RBFOX1: variants seen among roughly 807,000 people sequenced by gnomAD.
RBFOX1 encodes the protein RNA binding fox-1 homolog 1, also known as RNA binding protein fox-1 homolog 1.
In RBFOX1, 8 loss-of-function variants were observed where a neutral mutation model predicts 57.7. The observed-to-expected ratio is 0.14, with a 90% CI of 0.08 to 0.25. The LOEUF is 0.25. Ranked by LOEUF, RBFOX1 falls within the 10% of genes least tolerant of loss-of-function variation. The probability of loss-of-function intolerance (pLI) is 1.00; values close to 1 mark genes in which losing one functional copy is unlikely to be tolerated. For missense variants in RBFOX1, 611 were observed against 548.5 expected, an observed-to-expected ratio of 1.11 and a Z score of -1.14; for synonymous variants, 326 against 222.4, an observed-to-expected ratio of 1.47 and a Z score of -4.15.
intron 3 of RBFOX1, among the ~76,000 whole-genome samples, chr16:6,901,738 T>C (rs1408074953): frequency 6.6e-6 from 1 of 152,218 alleles, no homozygotes; most frequent in East Asian, 1.9e-4. Flanking sequence ...TTGAAGTAAA[T>C]ACTGCTTCAG....
chr16:7,417,950 T>G (rs143802787), intron 4 of RBFOX1, among the ~76,000 whole-genome samples: 3 of 152,242 alleles, frequency 2.0e-5, no homozygotes, highest in East Asian at 1.9e-4. Context: ...GGCCCTAGTA[T>G]GCAGCCTATC....
rs559944492 is a variant in RBFOX1 at position 7,131,208 on chromosome 16, T to C, written c.27+79110T>C. ...AAAAATACAAAAAGTTAGCCAGGTG[T>C]GGTATCGCACACCTGTAGTCTCAGC... On this transcript the variant is annotated intron_variant, in intron 4 of 15. Transcript: ENST00000550418. 1.2e-4 allele frequency among the ~76,000 whole-genome samples: 18 copies of C among 151,902 alleles called. No homozygotes were observed. In the South Asian group the frequency reaches 3.8e-3, roughly 32 times the overall value.
At chr16:6,566,190 C>T (rs929832058) in intron 2 of RBFOX1, among the ~76,000 whole-genome samples, 9 of 152,130 alleles carry the variant, frequency 5.9e-5, no homozygotes, top group Admixed American at 5.9e-4. Flanking sequence ...CAATCACCTC[C>T]GTTGTTTTGA....
intron 4 of RBFOX1, among the ~76,000 whole-genome samples, chr16:7,481,453 T>C (rs1368214541): frequency 6.6e-6 from 1 of 152,202 alleles, no homozygotes; most frequent in African/African-American, 2.4e-5. Context: ...AATATTGGGA[T>C]GCCTCTGTAG....
intron 5 of RBFOX1, among the ~76,000 whole-genome samples, chr16:7,567,757 C>T (rs1281794402): frequency 6.9e-6 from 1 of 144,734 alleles, no homozygotes; most frequent in Non-Finnish European, 1.5e-5. Flanking sequence ...ATCCATATAA[C>T]CCTATATATA....
At chr16:7,089,187 G>C (rs967249674) in intron 4 of RBFOX1, among the ~76,000 whole-genome samples, 9 of 152,162 alleles carry the variant, frequency 5.9e-5, no homozygotes, top group African/African-American at 1.7e-4. Context: ...GCTGGAGACA[G>C]AGTTTATTAT....
chr16:7,651,828 A>C (rs1450616087), intron 11 of RBFOX1, among the ~76,000 whole-genome samples: 1 of 152,306 alleles, frequency 6.6e-6, no homozygotes, highest in East Asian at 1.9e-4. Flanking sequence ...GGACTTACCA[A>C]ATGCATTTTT....
intron 4 of RBFOX1, among the ~76,000 whole-genome samples, chr16:7,333,801 G>A (rs2096735852): frequency 6.6e-6 from 1 of 151,792 alleles, no homozygotes; most frequent in Non-Finnish European, 1.5e-5. Flanking sequence ...GGTTTTCTTT[G>A]CAAGCAGGTA....
chr16:7,631,870 A>G (rs546688668), intron 11 of RBFOX1, among the ~76,000 whole-genome samples: 49 of 152,302 alleles, frequency 3.2e-4, no homozygotes, highest in African/African-American at 1.1e-3. Context: ...GACACACCCA[A>G]GGGTCTGAAG....
At chr16:6,540,059 C>G (rs987419339) in intron 2 of RBFOX1, among the ~76,000 whole-genome samples, 2 of 152,054 alleles carry the variant, frequency 1.3e-5, no homozygotes, top group East Asian at 1.9e-4. Context: ...TAGGGCCTCA[C>G]GTGACTTGAC....
intron 3 of RBFOX1, among the ~76,000 whole-genome samples, chr16:6,994,732 A>G (rs914008153): frequency 6.6e-6 from 1 of 152,170 alleles, no homozygotes; most frequent in African/African-American, 2.4e-5. Flanking sequence ...CATATTCCAC[A>G]GCTTTTTCTG....
intron 1 of RBFOX1, among the ~76,000 whole-genome samples, chr16:6,122,231 A>G (rs1429774924): frequency 6.6e-6 from 1 of 151,420 alleles, no homozygotes; most frequent in East Asian, 1.9e-4. Flanking sequence ...TAATGTTTTT[A>G]TTTTCTTTTA....
chr16:6,202,180 C>T (rs753320571), intron 1 of RBFOX1, among the ~76,000 whole-genome samples: 1 of 152,168 alleles, frequency 6.6e-6, no homozygotes, highest in African/African-American at 2.4e-5. Flanking sequence ...ATGTTTGAAT[C>T]CACTGGATGT....
chr16:7,514,122 A>G lies in RBFOX1; in HGVS notation c.28-4025A>G, dbSNP rs137867239. 1.1e-3 allele frequency among the ~76,000 whole-genome samples: 163 copies of G among 152,254 alleles called. 2 individuals are homozygous for G. The highest frequency in any genetic ancestry group is 3.8e-3 in the African/African-American group (159 of 41,550). Reference sequence around the variant, plus strand: ...GAAAACATTTTCCACAAAGGACCAGATGATAGATCATTCAGTCTTGGTGGG... The same window carrying G: ...GAAAACATTTTCCACAAAGGACCAGGTGATAGATCATTCAGTCTTGGTGGG... On this transcript the variant is annotated intron_variant, in intron 4 of 15. Coordinates refer to ENST00000550418, the MANE Select transcript of RBFOX1 (RefSeq NM_018723.4).
At chr16:7,046,685 A>G (rs561788127) in intron 3 of RBFOX1, among the ~76,000 whole-genome samples, 2 of 143,094 alleles carry the variant, frequency 1.4e-5, no homozygotes, top group East Asian at 2.1e-4. Flanking sequence ...GGCTCACTGC[A>G]ACCTCCGTCT....
intron 3 of RBFOX1, among the ~76,000 whole-genome samples, chr16:5,760,929 T>C (rs2053570657): frequency 6.6e-6 from 1 of 152,200 alleles, no homozygotes; most frequent in Non-Finnish European, 1.5e-5. Flanking sequence ...TTGCACAACA[T>C]TGTGAGTTCA....
rs192387783 is a variant in RBFOX1, at chr16:5,444,652, G to T, written c.220-22564G>T. 5.9e-5 allele frequency among the ~76,000 whole-genome samples: 9 copies of T among 152,250 alleles called. 1 individual carries two copies. The East Asian group carries it at 1.7e-3, about 29-fold the overall frequency. On this transcript the variant is annotated intron_variant, in intron 1 of 2. Transcript: ENST00000585867. ...CTGGAGCTAGTGGCATGGCTATACA[G>T]AATGGCCAGAGGGAATTTTTACAAG...
intron 3 of RBFOX1, among the ~76,000 whole-genome samples, chr16:6,999,408 A>G (rs2092592169): frequency 6.6e-6 from 1 of 150,464 alleles, no homozygotes; most frequent in East Asian, 2.0e-4. Flanking sequence ...TGATTTGGTG[A>G]TACTTAAACT....
intron 1 of RBFOX1, among the ~76,000 whole-genome samples, chr16:5,407,579 C>A (rs570480668): frequency 6.6e-6 from 1 of 151,872 alleles, no homozygotes; most frequent in African/African-American, 2.4e-5. Context: ...TTTTTTGTCT[C>A]ACTCTGTCAC....
Sources: allele counts gnomAD v4.1 joint callset (sites outside exome capture counted in the v4.1 genomes callset), GRCh38; gene constraint gnomAD v4.1.1; transcripts MANE v1.5; gene names NCBI Gene and HGNC (gene_info 2026-07-23, HGNC 2026-07-21).